The following C5 variants were observed in gnomAD, a reference collection of about 807,000 sequenced individuals.
C5 encodes the protein C3 and PZP-like alpha-2-macroglobulin domain-containing protein 4.
In C5, 140 loss-of-function variants were observed where a neutral mutation model predicts 218.8. That is an observed-to-expected ratio of 0.64 (90% CI 0.56 to 0.74). The LOEUF is 0.74. Ranked by LOEUF, C5 falls within the 30% of genes least tolerant of loss-of-function variation. The probability of loss-of-function intolerance (pLI) is 0.00; values close to 1 mark genes in which losing one functional copy is unlikely to be tolerated. For synonymous variants in C5, 614 were observed against 682.3 expected (o/e 0.90, Z 1.56); for missense variants, 1,700 against 1,969.6 (o/e 0.86, Z 2.59).
At chr9:120,968,260 G>C (rs1208504068) in intron 33 of C5, among the ~76,000 whole-genome samples, 2 of 152,198 alleles carry the variant, frequency 1.3e-5, no homozygotes, top group Non-Finnish European at 2.9e-5. Context: ...AGAAGGAGGT[G>C]TGATGATGGA....
At position 121,019,572 on chromosome 9, in the gene C5, T is replaced by C. The variant is rs41309038; in HGVS notation, c.1506+404A>G. On this transcript the variant is annotated intron_variant, in intron 12 of 40. Coordinates refer to ENST00000223642, the MANE Select transcript of C5 (RefSeq NM_001735.3). ...ATTTTTTGACAATAAAATTCACTTA[T>C]CCGAACTGGGTCTAGGCATATAATC... Among the ~76,000 whole-genome samples, 1,086 of 152,308 alleles carry C rather than the reference T, an allele frequency of 7.1e-3. 14 individuals are homozygous for C. Among genetic ancestry groups the C allele is most frequent in the African/African-American group, 0.025 (1,039 of 41,566 alleles).
chr9:121,013,901 A>G lies in C5; in HGVS notation c.2229T>C (p.Ser743=). 1 of 1,614,120 alleles carries G rather than the reference A, an allele frequency of 6.2e-7. No homozygotes were observed. The highest frequency in any genetic ancestry group is 8.5e-7 in the Non-Finnish European group (1 of 1,179,974). The change falls in exon 17 of 41, where the codon TCT becomes TCC. Residue 743 remains serine, a synonymous_variant. Transcript: ENST00000223642. ...VVASQLRANI[S]HKDMQLGRLH... ...GCCTTCCCAATTGCATGTCTTTATG[A>G]GAGATATTAGCACGGAGCTGGCTTG...
chr9:120,954,914 T>C (rs1317942536), intron 39 of C5, among the ~76,000 whole-genome samples: 3 of 152,232 alleles, frequency 2.0e-5, no homozygotes, highest in African/African-American at 7.2e-5. Flanking sequence ...TATCTGCCAT[T>C]TCAGCCCCTG....
At chr9:121,041,326 A>C (rs1333659944) in intron 3 of C5, among the ~76,000 whole-genome samples, 1 of 23,078 alleles carries the variant, frequency 4.3e-5, no homozygotes, top group African/African-American at 1.6e-4. Context: ...TTTTGCTGAG[A>C]CGAAGTCTCA....
chr9:120,994,304 C>T (rs983564728), intron 22 of C5, among the ~76,000 whole-genome samples: 1 of 151,922 alleles, frequency 6.6e-6, no homozygotes, highest in Non-Finnish European at 1.5e-5. Context: ...AGAAATAGGC[C>T]GGGCACAGTG....
chr9:121,006,066 C>T lies in C5; in HGVS notation c.2423-8G>A, dbSNP rs2131739104. ...TATCAGCAACACATATACCTTCAGC[C>T]CAAAGTGGAAGCAAAGTAGAATCAT... On this transcript the variant is annotated splice_polypyrimidine_tract_variant and splice_region_variant and intron_variant, in intron 19 of 40. Coordinates refer to ENST00000223642, the MANE Select transcript of C5 (RefSeq NM_001735.3). The T allele has an allele frequency of 1.2e-6, 2 of 1,613,442 alleles. No homozygotes were observed. The highest frequency in any genetic ancestry group is 2.2e-5 in the South Asian group (2 of 91,044).
At position 121,027,211 on chromosome 9, in the gene C5, G is replaced by T; in HGVS notation, c.822C>A (p.Asp274Glu). ...DVYITFGIREDLKDDQKEMMQ... is the reference protein window; with the variant it reads ...DVYITFGIREELKDDQKEMMQ... ...TCATTTCTTTTTGATCATCTTTTAA[G>T]TCTTCTCTTATTCCAAATGTGATAT... Residue 274 changes from aspartate (D) to glutamate (E), a missense_variant, in exon 8 of 41, where the codon GAC becomes GAA. Transcript: ENST00000223642. The T allele has an allele frequency of 6.2e-7, 1 of 1,603,684 alleles. No individual in the cohort carries two copies. Among genetic ancestry groups the T allele is most frequent in the Non-Finnish European group, 8.5e-7 (1 of 1,172,140 alleles).
At chr9:121,007,908 AT>A (rs1255477381) in intron 18 of C5, among the ~76,000 whole-genome samples, 1 of 152,220 alleles carries the variant, frequency 6.6e-6, no homozygotes, top group African/African-American at 2.4e-5. Flanking sequence ...CTTTGAACTC[AT>A]TCCTTGCCTT....
chr9:120,971,362 T>C lies in C5; in HGVS notation c.4080+568A>G, dbSNP rs41312869. 9.8e-3 allele frequency among the ~76,000 whole-genome samples: 1,486 copies of C among 151,774 alleles called. 18 individuals carry two copies. The highest frequency in any genetic ancestry group is 0.037 in the South Asian group (177 of 4,820). ...CACATATGCCATATGCGTATACACA[T>C]ATATAATCATAAAATTATATATCTC... On this transcript the variant is annotated intron_variant, in intron 31 of 40. Coordinates refer to ENST00000223642, the MANE Select transcript of C5 (RefSeq NM_001735.3).
chr9:121,032,717 A>C (rs1189173873), intron 5 of C5, among the ~76,000 whole-genome samples: 2 of 152,150 alleles, frequency 1.3e-5, no homozygotes, highest in Non-Finnish European at 2.9e-5. Context: ...AACATATACT[A>C]GGCCAGGTAT....
rs1187284965 is a variant in C5 at position 121,002,254 on chromosome 9, GTATATATGTA to G, written c.2562+3655_2562+3664del. 2.4e-4 allele frequency among the ~76,000 whole-genome samples: 16 copies of G among 65,972 alleles called. 1 individual carries two copies. The highest frequency in any genetic ancestry group is 4.6e-4 in the Admixed American group (2 of 4,392). 43.3% of individuals were successfully genotyped at this position (65,972 alleles called of 152,430 possible). A position where few individuals can be genotyped will look rare whatever the true frequency, so the allele number is the denominator to read the frequency against. On this transcript the variant is annotated intron_variant, in intron 20 of 40. Coordinates refer to ENST00000223642, the MANE Select transcript of C5 (RefSeq NM_001735.3). Reference sequence around the variant, plus strand: ...TGTATATATGTATATGTATATATATGTATATATGTATATATATGTATATATACGTATATAT... The same window carrying G: ...TGTATATATGTATATGTATATATATGTATATATGTATATATACGTATATAT...
chr9:120,997,767 A>G lies in C5; in HGVS notation c.2570T>C (p.Val857Ala), dbSNP rs1248462008. Residue 857 changes from valine (V) to alanine (A), a missense_variant, in exon 21 of 41, where the codon GTT becomes GCT. Val to Ala is a moderately conservative substitution (Grantham distance 64). Transcript: ENST00000223642. ...GATTCCCTCCACAGCAGACATTTTA[A>G]CACAGAACTGAAATACAAGTGAAGA... Reference protein sequence around the residue: ...NYRTSGMQFCVKMSAVEGICT... With the variant: ...NYRTSGMQFCAKMSAVEGICT... 6.2e-7 allele frequency: 1 copy of G among 1,613,236 alleles called. No homozygotes were observed. Among genetic ancestry groups the G allele is most frequent in the African/African-American group, 1.3e-5 (1 of 74,908 alleles).
intron 22 of C5, among the ~76,000 whole-genome samples, chr9:120,994,007 T>C (rs769787521): frequency 6.6e-6 from 1 of 151,886 alleles, no homozygotes; most frequent in Non-Finnish European, 1.5e-5. Flanking sequence ...CACTCTGCAT[T>C]TGAGATATGA....
intron 28 of C5, 124 bp from the exon 29 acceptor site, chr9:120,977,029 C>A (rs2046958758): frequency 4.9e-6 from 4 of 812,844 alleles, no homozygotes; most frequent in Middle Eastern, 3.4e-4. Context: ...GTTAGAGGAA[C>A]TTCCTGAAGA....
At chr9:120,978,343 T>C (rs1203897013) in intron 28 of C5, among the ~76,000 whole-genome samples, 1 of 152,230 alleles carries the variant, frequency 6.6e-6, no homozygotes, top group Non-Finnish European at 1.5e-5. Context: ...TTGCATGACC[T>C]TGAAAATGAT....
At chr9:121,002,324 A>ATG (rs1191415596) in intron 20 of C5, among the ~76,000 whole-genome samples, 7 of 75,732 alleles carry the variant, frequency 9.2e-5, no homozygotes, top group Non-Finnish European at 1.1e-4. Flanking sequence ...GTGTATATAT[A>ATG]TATATATATA....
chr9:120,990,518 C>T (rs41311877), intron 23 of C5, among the ~76,000 whole-genome samples: 2,964 of 152,268 alleles, frequency 0.019, 99 homozygotes, highest in African/African-American at 0.068. Flanking sequence ...GTTATGATGG[C>T]TCCACCCTAA....
chr9:121,060,380 T>G, the C5 span, among the ~76,000 whole-genome samples: 1 of 152,242 alleles, frequency 6.6e-6, no homozygotes, highest in African/African-American at 2.4e-5. Context: ...CTTTGCTTCC[T>G]TGAGATAACA....
chr9:121,065,915 G>GA, the C5 span, among the ~76,000 whole-genome samples: 1 of 152,134 alleles, frequency 6.6e-6, no homozygotes, highest in African/African-American at 2.4e-5. Context: ...ATATTCAATA[G>GA]AAAATGTAAA....
Sources: gnomAD v4.1 joint callset for allele counts (sites outside exome capture counted in the v4.1 genomes callset) on GRCh38, gnomAD v4.1.1 for gene constraint, MANE v1.5 for transcripts, NCBI Gene and HGNC (gene_info 2026-07-23, HGNC 2026-07-21) for gene names.